HDAC9: variants seen among roughly 807,000 people sequenced by gnomAD.
HDAC9 encodes MEF-2 interacting transcription repressor (MITR) protein.
HDAC9 carries 41 observed loss-of-function variants against 139.4 expected under a neutral mutation model. The ratio of observed to expected loss-of-function variants is 0.29; its 90% CI spans 0.23 to 0.38. The LOEUF (loss-of-function observed/expected upper bound fraction) is 0.38, where lower values mean the gene tolerates loss of function less well. Among genes scored for constraint, HDAC9 ranks in the 10% least tolerant of loss-of-function variants. The pLI, the probability that HDAC9 is intolerant of heterozygous loss-of-function variation, is 1.00. For missense variants in HDAC9, 1,147 were observed against 1,297.0 expected (o/e 0.88, Z 1.78); for synonymous variants, 517 against 476.2 (o/e 1.09, Z -1.12).
chr7:18,236,125 G>C (rs1475271335), intron 2 of HDAC9, among the ~76,000 whole-genome samples: 1 of 152,108 alleles, frequency 6.6e-6, no homozygotes. Context: ...GACCAATGAG[G>C]AGCTAATGTC....
At chr7:18,307,132 TG>T (rs1212083006) in intron 1 of HDAC9, among the ~76,000 whole-genome samples, 2,529 of 151,496 alleles carry the variant, frequency 0.017, 43 homozygotes, top group Middle Eastern at 0.034. Flanking sequence ...TGTGTGTGTG[TG>T]TGTGTGTGTG....
chr7:18,296,426 G>T (rs1163786838), intron 1 of HDAC9, among the ~76,000 whole-genome samples: 2 of 54,254 alleles, frequency 3.7e-5, no homozygotes, highest in Non-Finnish European at 8.1e-5. Context: ...GCTCATATTT[G>T]TGTGTGTGTG....
intron 1 of HDAC9, among the ~76,000 whole-genome samples, chr7:18,396,079 A>ACTCCCTTCCCTTCCC (rs1333357844): frequency 8.2e-4 from 38 of 46,510 alleles, no homozygotes; most frequent in Middle Eastern, 0.011. Flanking sequence ...TCAAAGTGTC[A>ACTCCCTTCCCTTCCC]TTCCCTTCCC....
intron 1 of HDAC9, among the ~76,000 whole-genome samples, chr7:18,422,818 AT>A (rs1353067581): frequency 6.6e-6 from 1 of 151,370 alleles, no homozygotes; most frequent in African/African-American, 2.4e-5. Flanking sequence ...GTTAAAGGTT[AT>A]TTTTTTCCCC....
chr7:18,286,798 T>C (rs1330122458), upstream of HDAC9, among the ~76,000 whole-genome samples: 1 of 152,164 alleles, frequency 6.6e-6, no homozygotes, highest in Non-Finnish European at 1.5e-5. Context: ...AAGGTTAACT[T>C]TATTATTATT....
intron 1 of HDAC9, among the ~76,000 whole-genome samples, chr7:18,480,962 C>T (rs532199112): frequency 7.2e-5 from 11 of 152,304 alleles, no homozygotes; most frequent in South Asian, 2.1e-4. Context: ...GCTGTAGGCT[C>T]ATGGCAGGGG....
chr7:18,316,321 G>T (rs536788359), intron 1 of HDAC9, among the ~76,000 whole-genome samples: 4 of 152,102 alleles, frequency 2.6e-5, no homozygotes, highest in Non-Finnish European at 4.4e-5. Flanking sequence ...GAATATTTCT[G>T]TTGATAACTT....
At chr7:18,274,289 G>C (rs1796573599) in intron 2 of HDAC9, among the ~76,000 whole-genome samples, 1 of 152,100 alleles carries the variant, frequency 6.6e-6, no homozygotes, top group African/African-American at 2.4e-5. Flanking sequence ...AAAATTGTCT[G>C]CATCTGGTGA....
At chr7:18,582,820 A>G (rs1303815188) in intron 2 of HDAC9, among the ~76,000 whole-genome samples, 1 of 152,188 alleles carries the variant, frequency 6.6e-6, no homozygotes, top group Non-Finnish European at 1.5e-5. Context: ...CTTGATACGT[A>G]TTACCAAATT....
intron 2 of HDAC9, among the ~76,000 whole-genome samples, chr7:18,262,538 A>G (rs1795747511): frequency 6.6e-6 from 1 of 152,208 alleles, no homozygotes. Context: ...TCAAATCCAC[A>G]TGAAGAAATA....
chr7:18,350,758 T>A (rs1782787621), intron 1 of HDAC9, among the ~76,000 whole-genome samples: 1 of 152,174 alleles, frequency 6.6e-6, no homozygotes, highest in Admixed American at 6.5e-5. Context: ...ACAGAGGGAA[T>A]ATGATTTATG....
chr7:18,842,752 TC>T (rs1426039823), intron 21 of HDAC9, among the ~76,000 whole-genome samples: 2 of 152,130 alleles, frequency 1.3e-5, no homozygotes, highest in Admixed American at 1.3e-4. Flanking sequence ...TAGGTGTGTG[TC>T]TCTAGATACC....
chr7:18,405,472 A>G (rs1287130214), intron 1 of HDAC9, among the ~76,000 whole-genome samples: 1 of 151,562 alleles, frequency 6.6e-6, no homozygotes, highest in Non-Finnish European at 1.5e-5. Context: ...CACAGCCAGT[A>G]TAGAAGCATC....
intron 22 of HDAC9, among the ~76,000 whole-genome samples, chr7:18,889,264 A>T (rs1037950371): frequency 1.3e-5 from 2 of 152,122 alleles, no homozygotes; most frequent in African/African-American, 4.8e-5. Flanking sequence ...CTCAGCTCAG[A>T]TATCACCTTC....
intron 2 of HDAC9, among the ~76,000 whole-genome samples, chr7:18,542,455 A>G (rs1206751254): frequency 6.6e-6 from 1 of 152,220 alleles, no homozygotes; most frequent in African/African-American, 2.4e-5. Flanking sequence ...GCCTAAGTTA[A>G]TATTTGAATA....
At chr7:18,600,151 T>C (rs562299711) in intron 6 of HDAC9, among the ~76,000 whole-genome samples, 1 of 152,232 alleles carries the variant, frequency 6.6e-6, no homozygotes, top group East Asian at 1.9e-4. Flanking sequence ...AAATTGGTTT[T>C]TTTCTCATTG....
intron 1 of HDAC9, among the ~76,000 whole-genome samples, chr7:18,433,853 A>G (rs530088756): frequency 6.6e-5 from 10 of 152,354 alleles, no homozygotes; most frequent in African/African-American, 2.2e-4. Flanking sequence ...GCACAAAGCA[A>G]TTTACAGATT....
At chr7:18,863,296 A>T (rs1247538773) in intron 21 of HDAC9, among the ~76,000 whole-genome samples, 1 of 152,206 alleles carries the variant, frequency 6.6e-6, no homozygotes, top group Non-Finnish European at 1.5e-5. Context: ...TTTATTGAGT[A>T]TCCACCATGT....
chr7:18,320,911 T>C (rs576013700), intron 1 of HDAC9, among the ~76,000 whole-genome samples: 100 of 152,312 alleles, frequency 6.6e-4, no homozygotes, highest in African/African-American at 2.3e-3. Flanking sequence ...TTGTCCACTT[T>C]CCAGCACATT....
Sources: allele counts gnomAD v4.1 joint callset (sites outside exome capture counted in the v4.1 genomes callset), GRCh38; gene constraint gnomAD v4.1.1; transcripts MANE v1.5; gene names NCBI Gene and HGNC (gene_info 2026-07-23, HGNC 2026-07-21).